Variants in TXLNA observed in about 807,000 individuals in gnomAD.
TXLNA encodes the protein alpha-taxilin.
A neutral mutation model predicts 61.4 loss-of-function variants in TXLNA; 9 were observed. That is an observed-to-expected ratio of 0.15 (90% CI 0.09 to 0.26). The LOEUF (loss-of-function observed/expected upper bound fraction) is 0.26, where lower values mean the gene tolerates loss of function less well. TXLNA is among the 10% of genes least tolerant of loss of function. The pLI, the probability that TXLNA is intolerant of heterozygous loss-of-function variation, is 1.00. For missense variants in TXLNA, 565 were observed against 688.8 expected, an observed-to-expected ratio of 0.82 and a Z score of 2.01; for synonymous variants, 257 against 267.7, an observed-to-expected ratio of 0.96 and a Z score of 0.39.
chr1:32,180,607 G>C, intron 2 of TXLNA, 93 bp downstream of exon 2: 2 of 1,446,588 alleles, frequency 1.4e-6, no homozygotes, highest in Non-Finnish European at 1.8e-6. Context: ...AGGTTGTCCG[G>C]GAGGAGGAGA....
chr1:32,193,116 T>C, intron 8 of TXLNA, 92 bp from the exon 9 acceptor site: 1 of 807,786 alleles, frequency 1.2e-6, no homozygotes, highest in Admixed American at 1.9e-5. Context: ...ATAGAATTAC[T>C]GGTCAGAGAG....
At chr1:32,194,450 T>C (rs1371446766) in intron 10 of TXLNA, among the ~76,000 whole-genome samples, 1 of 152,110 alleles carries the variant, frequency 6.6e-6, no homozygotes, top group Non-Finnish European at 1.5e-5. Context: ...GCCCAGGTAG[T>C]TTGTGATTTC....
At position 32,180,413 on chromosome 1, in the gene TXLNA, C is replaced by T. The variant is rs142183427; in HGVS notation, c.68C>T (p.Pro23Leu). ...QSNPKSSPGQPEAGPEGAQER... is the reference protein window; with the variant it reads ...QSNPKSSPGQLEAGPEGAQER... ...AATCCAAAAAGCAGCCCAGGACAACCGGAAGCAGGACCCGAGGGAGCCCAG... is the reference window on the plus strand; with the variant it reads ...AATCCAAAAAGCAGCCCAGGACAACTGGAAGCAGGACCCGAGGGAGCCCAG... Residue 23 changes from proline (P) to leucine (L), a missense_variant, in exon 2 of 11, where the codon CCG becomes CTG. This residue lies in a region of TXLNA where 192 missense variants were observed against 184.8 expected (regional missense o/e 1.04). Coordinates refer to ENST00000373610, the MANE Select transcript of TXLNA (RefSeq NM_175852.4). 8.4e-5 allele frequency: 136 copies of T among 1,613,918 alleles called. No homozygotes were observed. The highest frequency in any genetic ancestry group is 1.1e-4 in the Non-Finnish European group (133 of 1,179,962).
intron 6 of TXLNA, among the ~76,000 whole-genome samples, chr1:32,190,586 A>C (rs908553078): frequency 4.6e-5 from 7 of 152,372 alleles, no homozygotes; most frequent in Admixed American, 4.6e-4. Flanking sequence ...GAAGCCAGAC[A>C]CATTAATGTA....
intron 10 of TXLNA, 45 bp from the exon 11 acceptor site, chr1:32,194,857 G>A: frequency 1.3e-6 from 2 of 1,550,740 alleles, no homozygotes; most frequent in South Asian, 2.5e-5. Context: ...TGGTAAGTGG[G>A]AGGTTGATGG....
Position 32,195,521 on chromosome 1 carries a change from C to T in TXLNA, c.*326C>T. 1 of 476,628 alleles carries T rather than the reference C, an allele frequency of 2.1e-6. No homozygotes were observed. Among genetic ancestry groups the T allele is most frequent in the East Asian group, 4.0e-5 (1 of 24,750 alleles). 29.5% of individuals were successfully genotyped at this position (476,628 alleles called of 1,614,324 possible). Reference sequence around the variant, plus strand: ...TGTAGCTGCCATCACAGTGAGTTGGCAGAAGTGACTTGAGCATTTCTCTGT... The same window carrying T: ...TGTAGCTGCCATCACAGTGAGTTGGTAGAAGTGACTTGAGCATTTCTCTGT... On this transcript the variant is annotated 3_prime_UTR_variant, in exon 11 of 11. Coordinates refer to ENST00000373610, the MANE Select transcript of TXLNA (RefSeq NM_175852.4).
At chr1:32,187,199 G>C (rs1032476718) in intron 4 of TXLNA, among the ~76,000 whole-genome samples, 2 of 152,088 alleles carry the variant, frequency 1.3e-5, no homozygotes, top group African/African-American at 4.8e-5. Context: ...ACCACTCCCG[G>C]CCTCACTTTT....
chr1:32,187,910 G>T (rs1424368011), intron 4 of TXLNA, 44 bp from the exon 5 acceptor site: 1 of 1,596,188 alleles, frequency 6.3e-7, no homozygotes, highest in South Asian at 1.1e-5. Flanking sequence ...CCACCAGGAA[G>T]GCCCCACAAG....
chr1:32,180,154 T>G, intron 1 of TXLNA, 160 bp from the exon 2 acceptor site: 2 of 657,082 alleles, frequency 3.0e-6, no homozygotes, highest in Non-Finnish European at 4.8e-6. Context: ...CACGTCGGGC[T>G]CTCCTGACCC....
chr1:32,189,330 C>T (rs1008284912), intron 5 of TXLNA, among the ~76,000 whole-genome samples: 2 of 152,112 alleles, frequency 1.3e-5, no homozygotes, highest in African/African-American at 4.8e-5. Flanking sequence ...GGGCAGTGTG[C>T]CTTCCCCATC....
chr1:32,188,123 A>G lies in TXLNA; in HGVS notation c.767A>G (p.Lys256Arg). 6.4e-7 allele frequency: 1 copy of G among 1,553,382 alleles called. No homozygotes were observed. The highest frequency in any genetic ancestry group is 8.7e-7 in the Non-Finnish European group (1 of 1,146,874). Residue 256 changes from lysine to arginine, a missense_variant and splice_region_variant, in exon 5 of 11, where the codon AAG becomes AGG. Coordinates refer to ENST00000373610, the MANE Select transcript of TXLNA (RefSeq NM_175852.4). ...CTGCAGCGGCACAACCGCTCCCTCA[A>G]GGTAGGCCTGGGCCCCCTGGAACAG... ...RELQRHNRSL[K>R]EEGVQRAREE... is the part of the protein sequence containing the mutation.
In TXLNA at chr1:32,181,425, C is replaced by G. The variant is rs1190752994; in HGVS notation, c.353C>G (p.Ala118Gly). 7.4e-6 allele frequency: 12 copies of G among 1,614,078 alleles called. No individual in the cohort carries two copies. The highest frequency in any genetic ancestry group is 9.3e-6 in the Non-Finnish European group (11 of 1,180,050). Residue 118 changes from alanine to glycine, a missense_variant, in exon 3 of 11, where the codon GCA becomes GGA. By Grantham distance (60) the Ala-to-Gly change is moderately conservative. This residue lies in a region of TXLNA where 192 missense variants were observed against 184.8 expected (regional missense o/e 1.04). Coordinates refer to ENST00000373610, the MANE Select transcript of TXLNA (RefSeq NM_175852.4). ...GCAGAGAAGTCCCGGACCTATGTGG[C>G]AAGGAATGGGGAGCCTGAACCAACT... is the stretch of plus-strand genomic sequence containing the variant. Reference protein sequence around the residue: ...EDAEKSRTYVARNGEPEPTPV... With the variant: ...EDAEKSRTYVGRNGEPEPTPV...
rs148729066 is a variant in TXLNA at position 32,181,352 on chromosome 1, G to A, written c.280G>A (p.Gly94Ser). 38 of 1,614,054 alleles carry A rather than the reference G, an allele frequency of 2.4e-5. No homozygotes were observed. The highest frequency in any genetic ancestry group is 3.1e-5 in the Non-Finnish European group (36 of 1,180,058). The change falls in exon 3 of 11, where the codon GGC (glycine) becomes AGC (serine). Residue 94 changes from glycine (G) to serine (S), a missense_variant. Transcript: ENST00000373610. ...STYCVDNNQG[G>S]PGEDGAQGEP... Reference sequence around the variant, plus strand: ...ATACTGTGTGGACAATAACCAGGGGGGCCCCGGCGAGGATGGGGCACAGGG... The same window carrying A: ...ATACTGTGTGGACAATAACCAGGGGAGCCCCGGCGAGGATGGGGCACAGGG...
In TXLNA at chr1:32,181,490, C is replaced by A; in HGVS notation, c.418C>A (p.Pro140Thr). The A allele has an allele frequency of 6.2e-7, 1 of 1,610,672 alleles. No homozygotes were observed. The highest frequency in any genetic ancestry group is 8.5e-7 in the Non-Finnish European group (1 of 1,178,472). Reference protein sequence around the residue: ...NGEKEPSKGDPNTEEIRQSDE... With the variant: ...NGEKEPSKGDTNTEEIRQSDE... ...AGAGAAGGAACCCTCCAAGGGGGAT[C>A]CAAACACAGAAGAGATCCGGCAGAG... The change falls in exon 3 of 11, where the codon CCA becomes ACA. Residue 140 changes from proline to threonine, a missense_variant. This residue lies in a region of TXLNA where 192 missense variants were observed against 184.8 expected (regional missense o/e 1.04). Transcript: ENST00000373610.
Position 32,195,678 on chromosome 1 carries a change from TC to T in TXLNA, c.*485del, listed in dbSNP as rs1643003537. The T allele has an allele frequency of 2.2e-6, 1 of 456,194 alleles. No homozygotes were observed. The highest frequency in any genetic ancestry group is 2.0e-5 in the African/African-American group (1 of 50,006). 28.3% of individuals were successfully genotyped at this position (456,194 alleles called of 1,614,324 possible). A position where few individuals can be genotyped will look rare whatever the true frequency, so the allele number is the denominator to read the frequency against. ...AGGCCCTCCTAGCTGCTCTGGAGGC[TC>T]CTTTGATTCTCTAGACCTGGAAAAG... On this transcript the variant is annotated 3_prime_UTR_variant, in exon 11 of 11. Coordinates refer to ENST00000373610, the MANE Select transcript of TXLNA (RefSeq NM_175852.4).
chr1:32,188,231 G>T, intron 5 of TXLNA, 107 bp downstream of exon 5: 2 of 1,197,716 alleles, frequency 1.7e-6, no homozygotes, highest in African/African-American at 1.5e-5. Context: ...AGGGCCAGGC[G>T]CAGTGGCACA....
At chr1:32,190,287 T>G in intron 6 of TXLNA, 38 bp downstream of exon 6, 1 of 1,550,416 alleles carries the variant, frequency 6.4e-7, no homozygotes, top group Middle Eastern at 1.7e-4. Context: ...GCCCAGAAAT[T>G]GTGAGGTTTT....
At chr1:32,186,256 G>T (rs1642787543) in intron 4 of TXLNA, among the ~76,000 whole-genome samples, 1 of 152,196 alleles carries the variant, frequency 6.6e-6, no homozygotes, top group Non-Finnish European at 1.5e-5. Flanking sequence ...TGCCCAAGAA[G>T]GGGGCTTGGC....
intron 9 of TXLNA, among the ~76,000 whole-genome samples, chr1:32,193,637 T>C (rs1642953807): frequency 6.6e-6 from 1 of 152,000 alleles, no homozygotes; most frequent in African/African-American, 2.4e-5. Flanking sequence ...GCCCCCCGGG[T>C]TCAAGTGATT....
Sources: allele counts gnomAD v4.1 joint callset (sites outside exome capture counted in the v4.1 genomes callset), GRCh38; gene constraint gnomAD v4.1.1; regional missense constraint gnomAD v4.1.1; transcripts MANE v1.5; gene names NCBI Gene and HGNC (gene_info 2026-07-23, HGNC 2026-07-21).